Variants in SLC7A1 observed in about 807,000 individuals in gnomAD.
SLC7A1 encodes the protein solute carrier family 7 member 1.
SLC7A1 carries 10 observed loss-of-function variants against 53.9 expected under a neutral mutation model. The observed-to-expected ratio is 0.19, with a 90% CI of 0.11 to 0.31. SLC7A1 has a LOEUF of 0.31. Ranked by LOEUF, SLC7A1 falls within the 10% of genes least tolerant of loss-of-function variation. SLC7A1 has a pLI of 1.00. For missense variants in SLC7A1, 525 were observed against 827.2 expected (o/e 0.63, Z 4.48); for synonymous variants, 342 against 338.7 (o/e 1.01, Z -0.11).
At chr13:29,570,704 A>C (rs1443650477) in intron 1 of SLC7A1, among the ~76,000 whole-genome samples, 1 of 152,138 alleles carries the variant, frequency 6.6e-6, no homozygotes, top group East Asian at 1.9e-4. Context: ...ACAGGAAAAA[A>C]AAATTAGCGA....
intron 2 of SLC7A1, among the ~76,000 whole-genome samples, chr13:29,546,247 C>G (rs1397154025): frequency 2.6e-5 from 4 of 152,232 alleles, no homozygotes; most frequent in African/African-American, 9.6e-5. Context: ...TTTAAGTTCC[C>G]TGCCGGCACT....
rs1459045587 is a variant in SLC7A1 at position 29,530,639 on chromosome 13, C to A, written c.603G>T (p.Leu201=). 1 of 1,614,068 alleles carries A rather than the reference C, an allele frequency of 6.2e-7. No individual in the cohort carries two copies. Among genetic ancestry groups the A allele is most frequent in the East Asian group, 2.2e-5 (1 of 44,866 alleles). The change falls in exon 5 of 13, where the codon CTG becomes CTT. Residue 201 remains leucine, a synonymous_variant. Coordinates refer to ENST00000380752, the MANE Select transcript of SLC7A1 (RefSeq NM_003045.5). ...KIFTCINVLV[L]GFIMVSGFVK... ...CAAATCCTGACACCATTATGAAGCC[C>A]AGGACCAGGACGTTAATACAAGTGA... is the stretch of plus-strand genomic sequence containing the variant.
rs1316217872 is a variant in SLC7A1, at chr13:29,539,856, G to C, written c.-14-3654C>G. On this transcript the variant is annotated intron_variant, in intron 2 of 12. Coordinates refer to ENST00000380752, the MANE Select transcript of SLC7A1 (RefSeq NM_003045.5). ...AGATGCAGCCAACTGCTGCTGAGAA[G>C]CCCAGGGCTGATAATCTGGAGAATG... Among the ~76,000 whole-genome samples the C allele has an allele frequency of 2.0e-5, 3 of 152,326 alleles. No homozygotes were observed. The East Asian group carries it at 5.8e-4, about 29-fold the overall frequency.
intron 1 of SLC7A1, among the ~76,000 whole-genome samples, chr13:29,564,828 T>C (rs1440092449): frequency 6.6e-6 from 1 of 152,234 alleles, no homozygotes; most frequent in African/African-American, 2.4e-5. Flanking sequence ...ATTACATATA[T>C]AAATATATTA....
In SLC7A1 at chr13:29,551,094, G is replaced by A. The variant is rs190454984; in HGVS notation, c.-15+2667C>T. ...TGTTATTTCATTTTTTTAAAAATTG[G>A]GTGATCTTCCTTGGGCCATGGTCGT... On this transcript the variant is annotated intron_variant, in intron 2 of 12. Coordinates refer to ENST00000380752, the MANE Select transcript of SLC7A1 (RefSeq NM_003045.5). 2.6e-5 allele frequency among the ~76,000 whole-genome samples: 4 copies of A among 152,226 alleles called. No individual in the cohort carries two copies. The East Asian group carries it at 7.7e-4, about 29-fold the overall frequency.
At chr13:29,547,882 C>A (rs1290564898) in intron 2 of SLC7A1, among the ~76,000 whole-genome samples, 1 of 152,160 alleles carries the variant, frequency 6.6e-6, no homozygotes, top group Admixed American at 6.5e-5. Flanking sequence ...CAAAAAACAC[C>A]GAGGAAACTC....
rs375493501 is a variant in SLC7A1 at position 29,522,235 on chromosome 13, C to T, written c.1189+82G>A. The stretch of plus-strand genomic sequence containing the variant: ...AGACCAGTTAAGATTACTCACAGAC[C>T]AGAACTGCGCAAGACGTCTCCCTAG... On this transcript the variant is annotated intron_variant, in intron 8 of 12. Transcript: ENST00000380752. 5 of 1,400,048 alleles carry T rather than the reference C, an allele frequency of 3.6e-6. No individual in the cohort carries two copies. In the East Asian group the frequency reaches 1.1e-4, roughly 32 times the overall value. 86.7% of individuals were successfully genotyped at this position (1,400,048 alleles called of 1,614,324 possible).
At chr13:29,576,523 T>C (rs984362199) in intron 1 of SLC7A1, among the ~76,000 whole-genome samples, 1 of 152,032 alleles carries the variant, frequency 6.6e-6, no homozygotes. Context: ...TAGTACCAAG[T>C]TCAAATCAAA....
intron 11 of SLC7A1, 93 bp downstream of exon 11, chr13:29,517,050 AC>A: frequency 7.9e-7 from 1 of 1,263,788 alleles, no homozygotes; most frequent in Non-Finnish European, 1.1e-6. Context: ...CCTCGGGAGC[AC>A]CCAGGCCCGG....
chr13:29,572,040 T>A (rs1386515705), intron 1 of SLC7A1, among the ~76,000 whole-genome samples: 2 of 152,234 alleles, frequency 1.3e-5, no homozygotes, highest in African/African-American at 4.8e-5. Context: ...AAGTGAAATG[T>A]CACAAGGGAA....
rs567646274 is a variant in SLC7A1, at chr13:29,578,641, T to C, written c.-115+16775A>G. Among the ~76,000 whole-genome samples the C allele has an allele frequency of 3.3e-5, 5 of 152,356 alleles. No individual in the cohort carries two copies. In the East Asian group the frequency reaches 9.6e-4, roughly 29 times the overall value. ...CAATCTGTCCTGAACTATTTCTCCC[T>C]GGAGAGGACACGGCAAGCTACTGGT... On this transcript the variant is annotated intron_variant, in intron 1 of 12. Transcript: ENST00000380752.
chr13:29,564,216 C>G (rs1361499210), intron 1 of SLC7A1, among the ~76,000 whole-genome samples: 1 of 152,198 alleles, frequency 6.6e-6, no homozygotes, highest in African/African-American at 2.4e-5. Flanking sequence ...CAGCTCACCT[C>G]TGGCTCAGCC....
At chr13:29,515,075 C>T (rs1725425974) in intron 12 of SLC7A1, among the ~76,000 whole-genome samples, 1 of 152,224 alleles carries the variant, frequency 6.6e-6, no homozygotes, top group African/African-American at 2.4e-5. Flanking sequence ...CATAGGAGTC[C>T]ACAGCCTGTT....
intron 8 of SLC7A1, 29 bp from the exon 9 acceptor site, chr13:29,519,578 G>A (rs751073582): frequency 5.0e-6 from 7 of 1,403,710 alleles, no homozygotes; most frequent in Non-Finnish European, 7.0e-6. Flanking sequence ...CAGGATCTGT[G>A]GAGGGCCATC....
At chr13:29,520,736 A>G (rs571180818) in intron 8 of SLC7A1, among the ~76,000 whole-genome samples, 3 of 152,344 alleles carry the variant, frequency 2.0e-5, no homozygotes, top group Non-Finnish European at 4.4e-5. Flanking sequence ...GATCACTGCA[A>G]CTAAAACAAA....
intron 9 of SLC7A1, among the ~76,000 whole-genome samples, chr13:29,518,734 T>A (rs891826110): frequency 6.6e-6 from 1 of 152,018 alleles, no homozygotes; most frequent in Non-Finnish European, 1.5e-5. Context: ...CAGGTGGGAA[T>A]CCCTGAAAAG....
At chr13:29,535,753 C>T (rs1320643764) in intron 3 of SLC7A1, 66 bp downstream of exon 3, 1 of 1,542,760 alleles carries the variant, frequency 6.5e-7, no homozygotes, top group African/African-American at 1.4e-5. Context: ...CATCCACCCA[C>T]ACTTTGGAGG....
At chr13:29,530,396 C>T in intron 5 of SLC7A1, 142 bp downstream of exon 5, 1 of 801,142 alleles carries the variant, frequency 1.2e-6, no homozygotes, top group Non-Finnish European at 2.0e-6. Context: ...AGCTACTTCA[C>T]TGCAAAAACA....
chr13:29,594,639 C>CA (rs1432016021), intron 1 of SLC7A1, among the ~76,000 whole-genome samples: 7 of 152,210 alleles, frequency 4.6e-5, no homozygotes, highest in Admixed American at 2.0e-4. Context: ...TTGCTAAAGG[C>CA]GGAAGAACTT....
Sources: gnomAD v4.1 joint callset for allele counts (sites outside exome capture counted in the v4.1 genomes callset) on GRCh38, gnomAD v4.1.1 for gene constraint, MANE v1.5 for transcripts, NCBI Gene and HGNC (gene_info 2026-07-23, HGNC 2026-07-21) for gene names.